PCNT: variants seen among roughly 807,000 people sequenced by gnomAD.
PCNT encodes the protein pericentrin, also known as kendrin.
Under a neutral mutation model 380.4 loss-of-function variants are expected in PCNT, and 319 were observed. That is an observed-to-expected ratio of 0.84 (90% CI 0.77 to 0.92). The LOEUF (loss-of-function observed/expected upper bound fraction) is 0.92. Among genes scored for constraint, PCNT ranks in the 40% least tolerant of loss-of-function variants. The pLI is 0.00. For synonymous variants in PCNT, 1,845 were observed against 1,735.2 expected (o/e 1.06, Z -1.57); for missense variants, 4,400 against 4,255.3 (o/e 1.03, Z -0.95).
At chr21:46,432,291 G>A in intron 38 of PCNT, 76 bp downstream of exon 38, 2 of 1,413,458 alleles carry the variant, frequency 1.4e-6, no homozygotes. Context: ...TCACGTGGGG[G>A]ACGCGAGATT....
At chr21:46,358,974 T>G (rs1368572481) in intron 13 of PCNT, among the ~76,000 whole-genome samples, 1 of 151,962 alleles carries the variant, frequency 6.6e-6, no homozygotes, top group Non-Finnish European at 1.5e-5. Context: ...CTAATTTTTT[T>G]TTTTTTTGTA....
chr21:46,339,222 TA>T (rs1481739098), intron 3 of PCNT, among the ~76,000 whole-genome samples: 1 of 152,216 alleles, frequency 6.6e-6, no homozygotes, highest in Admixed American at 6.5e-5. Context: ...GGCCTGTTTT[TA>T]TTTCCCTTCT....
chr21:46,392,508 A>T (rs1168525119), intron 21 of PCNT, among the ~76,000 whole-genome samples: 3 of 152,246 alleles, frequency 2.0e-5, no homozygotes, highest in Non-Finnish European at 4.4e-5. Context: ...GGCGTGAGCC[A>T]CCATGCCCGG....
At chr21:46,349,596 C>T (rs916497302) in intron 7 of PCNT, 88 bp from the exon 8 acceptor site, 30 of 1,419,000 alleles carry the variant, frequency 2.1e-5, no homozygotes, top group Middle Eastern at 2.0e-4. Context: ...TGGGTGGCAG[C>T]GCTCTGGGTG....
rs777574269 is a variant in PCNT at position 46,432,056 on chromosome 21, G to T, written c.8592G>T (p.Glu2864Asp). 6.2e-7 allele frequency: 1 copy of T among 1,614,054 alleles called. No homozygotes were observed. Among genetic ancestry groups the T allele is most frequent in the South Asian group, 1.1e-5 (1 of 91,088 alleles). The change falls in exon 38 of 47, where the codon GAG (glutamate) becomes GAT (aspartate). Residue 2864 changes from glutamate (E) to aspartate (D), a missense_variant. Physicochemically the swap from Glu to Asp is conservative, Grantham distance 45 (BLOSUM62 2). Transcript: ENST00000359568. Reference protein sequence around the residue: ...KRELRCSLEREREKPAWLQAE... With the variant: ...KRELRCSLERDREKPAWLQAE... The stretch of plus-strand genomic sequence containing the variant: ...AGCTGAGATGCTCTCTGGAGAGAGA[G>T]AGGGAGAAACCAGCGTGGTTGCAGG...
chr21:46,324,435 C>A (rs967113819), intron 1 of PCNT, among the ~76,000 whole-genome samples, 153 bp downstream of exon 1: 1 of 151,942 alleles, frequency 6.6e-6, no homozygotes, highest in African/African-American at 2.4e-5. Context: ...CTGGAAGCCG[C>A]CTCCTGGCCG....
rs2087015026 is a variant in PCNT, at chr21:46,416,062, C to T, written c.6151-7C>T. 1.2e-6 allele frequency: 2 copies of T among 1,613,826 alleles called. No homozygotes were observed. Among genetic ancestry groups the T allele is most frequent in the African/African-American group, 1.3e-5 (1 of 74,936 alleles). ...TCCACCGTGCACCTGTTCTGTTTCA[C>T]CTGCAGGGTAAAGAAAAAGTACTGG... On this transcript the variant is annotated splice_polypyrimidine_tract_variant and splice_region_variant and intron_variant, in intron 29 of 46. Coordinates refer to ENST00000359568, the MANE Select transcript of PCNT (RefSeq NM_006031.6).
At chr21:46,429,797 G>A (rs959411624) in intron 35 of PCNT, among the ~76,000 whole-genome samples, 9 of 152,040 alleles carry the variant, frequency 5.9e-5, no homozygotes, top group Non-Finnish European at 1.3e-4. Flanking sequence ...TGTGTCTCCC[G>A]GCCAGGTGGG....
chr21:46,372,335 A>G (rs913007180), intron 15 of PCNT, among the ~76,000 whole-genome samples: 4 of 151,948 alleles, frequency 2.6e-5, no homozygotes, highest in Non-Finnish European at 5.9e-5. Flanking sequence ...CAACACGTGC[A>G]CACACATGCA....
chr21:46,440,862 A>C lies in PCNT; in HGVS notation c.9401A>C (p.Lys3134Thr). 1 of 1,602,188 alleles carries C rather than the reference A, an allele frequency of 6.2e-7. No individual in the cohort carries two copies. The highest frequency in any genetic ancestry group is 2.2e-5 in the East Asian group (1 of 44,832). ...CTGCTTTTTTTCTTTTAGATGGAAAAATTGTACCTGCATTACTTGAGAGCA... is the reference window on the plus strand; with the variant it reads ...CTGCTTTTTTTCTTTTAGATGGAAACATTGTACCTGCATTACTTGAGAGCA... ...EAHTSNVKME[K>T]LYLHYLRAES... Residue 3134 changes from lysine (K) to threonine (T), a missense_variant, in exon 43 of 47, where the codon AAA (lysine) becomes ACA (threonine). Coordinates refer to ENST00000359568, the MANE Select transcript of PCNT (RefSeq NM_006031.6).
chr21:46,369,099 G>A (rs938203422), intron 15 of PCNT, among the ~76,000 whole-genome samples: 1 of 152,146 alleles, frequency 6.6e-6, no homozygotes, highest in African/African-American at 2.4e-5. Context: ...GTGATCTTGG[G>A]GGAATTCCTA....
At position 46,353,049 on chromosome 21, in the gene PCNT, G is replaced by A. The variant is rs561921545; in HGVS notation, c.1457-55G>A. 9 of 1,448,350 alleles carry A rather than the reference G, an allele frequency of 6.2e-6. No individual in the cohort carries two copies. In the South Asian group the frequency reaches 1.0e-4, roughly 17 times the overall value. The allele number at this position is 1,448,350 out of a possible 1,614,324, so 89.7% of individuals were successfully genotyped here. A position where few individuals can be genotyped will look rare whatever the true frequency, so the allele number is the denominator to read the frequency against. ...GTAACCAGGCTCTTGCCTCTCGCCT[G>A]GCTTGTTGTGGGTGTCCCATTTTAA... On this transcript the variant is annotated intron_variant, in intron 9 of 46. Coordinates refer to ENST00000359568, the MANE Select transcript of PCNT (RefSeq NM_006031.6).
At chr21:46,404,480 C>T (rs2086566157) in intron 27 of PCNT, among the ~76,000 whole-genome samples, 2 of 152,198 alleles carry the variant, frequency 1.3e-5, no homozygotes, top group Non-Finnish European at 2.9e-5. Context: ...TTTACCTCGG[C>T]GAGGTACGCC....
rs1216269851 is a variant in PCNT at position 46,397,259 on chromosome 21, C to G, written c.4217-6C>G. The G allele has an allele frequency of 6.2e-7, 1 of 1,612,714 alleles. No homozygotes were observed. Among genetic ancestry groups the G allele is most frequent in the South Asian group, 1.1e-5 (1 of 91,016 alleles). On this transcript the variant is annotated splice_polypyrimidine_tract_variant and splice_region_variant and intron_variant, in intron 21 of 46. Coordinates refer to ENST00000359568, the MANE Select transcript of PCNT (RefSeq NM_006031.6). ...GTCCCCGTGTCTGTCCTGTTTGCAT[C>G]CTTAGCTCTCCGGAAGGAAGTGGAG...
chr21:46,325,096 C>G (rs1050414683), intron 1 of PCNT: 4 of 985,360 alleles, frequency 4.1e-6, no homozygotes, highest in African/African-American at 1.7e-5. Context: ...GGTTTGATGG[C>G]CACTGTCCTA....
intron 27 of PCNT, among the ~76,000 whole-genome samples, chr21:46,408,898 GTT>G (rs2086698063): frequency 6.6e-6 from 1 of 151,268 alleles, no homozygotes; most frequent in African/African-American, 2.4e-5. Context: ...ATTTTTTAAT[GTT>G]TTTAGTAGAG....
chr21:46,354,702 G>A (rs913592885), intron 11 of PCNT, among the ~76,000 whole-genome samples: 2 of 152,198 alleles, frequency 1.3e-5, no homozygotes, highest in African/African-American at 2.4e-5. Flanking sequence ...GGGGAACTCG[G>A]GGCATCTGGG....
Position 46,355,550 on chromosome 21 carries a change from C to T in PCNT, c.1860C>T (p.Val620=). 6.2e-7 allele frequency: 1 copy of T among 1,614,164 alleles called. No homozygotes were observed. Among genetic ancestry groups the T allele is most frequent in the Non-Finnish European group, 8.5e-7 (1 of 1,180,038 alleles). The stretch of plus-strand genomic sequence containing the variant: ...TCTGCATCCAGCACGAGGGGCATGT[C>T]TCAGACAGATGCTGCGTAGAGACTT... ...SPLCIQHEGH[V]SDRCCVETSA... Residue 620 remains valine (V), a synonymous_variant, in exon 12 of 47, where the codon GTC becomes GTT. Transcript: ENST00000359568.
In PCNT at chr21:46,385,817, C is replaced by A; in HGVS notation, c.3313-15C>A. On this transcript the variant is annotated splice_polypyrimidine_tract_variant and intron_variant, in intron 16 of 46. Coordinates refer to ENST00000359568, the MANE Select transcript of PCNT (RefSeq NM_006031.6). ...AAATTGTTTTAACGAAAGCTTTAAC[C>A]ATTTTTCTCGATAGCTGAAAGACCA... The A allele has an allele frequency of 6.2e-7, 1 of 1,614,042 alleles. No homozygotes were observed. The highest frequency in any genetic ancestry group is 8.5e-7 in the Non-Finnish European group (1 of 1,179,864).
Sources: gnomAD v4.1 joint callset for allele counts (sites outside exome capture counted in the v4.1 genomes callset) on GRCh38, gnomAD v4.1.1 for gene constraint, MANE v1.5 for transcripts, NCBI Gene and HGNC (gene_info 2026-07-23, HGNC 2026-07-21) for gene names.